The following DEF8 variants were observed in gnomAD, a reference collection of about 807,000 sequenced individuals.
DEF8 encodes DEF-8.
Under a neutral mutation model 59.1 loss-of-function variants are expected in DEF8, and 38 were observed. The observed-to-expected ratio is 0.64, with a 90% CI of 0.50 to 0.84. The LOEUF is 0.84. Ranked by LOEUF, DEF8 falls within the 40% of genes least tolerant of loss-of-function variation. DEF8 has a pLI of 0.00. For missense variants in DEF8, 557 were observed against 615.2 expected (o/e 0.91, Z 1.00); for synonymous variants, 265 against 250.1 (o/e 1.06, Z -0.56).
intron 12 of DEF8, among the ~76,000 whole-genome samples, chr16:89,965,230 G>T (rs1402450346): frequency 1.3e-5 from 2 of 152,054 alleles, no homozygotes; most frequent in African/African-American, 4.8e-5. Context: ...AATGATATGG[G>T]TACACCTTTT....
At chr16:89,964,355 A>AG (rs756106489) in intron 11 of DEF8, 45 bp downstream of exon 11, 2 of 1,551,684 alleles carry the variant, frequency 1.3e-6, no homozygotes, top group Non-Finnish European at 8.7e-7. Context: ...CCCAGCCCTG[A>AG]GGGGGGATTG....
At position 89,961,082 on chromosome 16, in the gene DEF8, G is replaced by A. The variant is rs776592246; in HGVS notation, c.666G>A (p.Ala222=). 12 of 1,611,948 alleles carry A rather than the reference G, an allele frequency of 7.4e-6. No individual in the cohort carries two copies. The highest frequency in any genetic ancestry group is 3.3e-5 in the Admixed American group (2 of 59,976). ...SQDYRCAECR[A]PISLRGVPSE... ...ATTACCGCTGTGCCGAGTGCCGGGCGCCCATCTCTCTGCGTGAGTGGTGGC... is the reference window on the plus strand; with the variant it reads ...ATTACCGCTGTGCCGAGTGCCGGGCACCCATCTCTCTGCGTGAGTGGTGGC... Residue 222 remains alanine, a synonymous_variant, in exon 7 of 13, where the codon GCG becomes GCA. Transcript: ENST00000563594.
chr16:89,950,359 C>A (rs1329091708), intron 2 of DEF8: 1 of 977,710 alleles, frequency 1.0e-6, no homozygotes, highest in Non-Finnish European at 1.2e-6. Context: ...ATAGGCAAGA[C>A]AATGGAGAAC....
intron 7 of DEF8, 146 bp downstream of exon 7, chr16:89,961,241 T>C: frequency 8.9e-7 from 1 of 1,122,230 alleles, no homozygotes; most frequent in Non-Finnish European, 1.2e-6. Context: ...GTGACAAGGG[T>C]CTGTTGCTGC....
rs2034555256 is a variant in DEF8, at chr16:89,965,743, CG to C, written c.1254-117del. ...GTCACTTGCATCTGGCTGCAGACTC[CG>C]ACTCTGCCCTTTGGTAACGGCTGTA... On this transcript the variant is annotated intron_variant, in intron 12 of 12. Coordinates refer to ENST00000563594, the MANE Select transcript of DEF8 (RefSeq NM_001242818.2). 3.6e-5 allele frequency: 23 copies of C among 643,804 alleles called. No individual in the cohort carries two copies. In the South Asian group the frequency reaches 4.3e-4, roughly 12 times the overall value. 39.9% of individuals were successfully genotyped at this position (643,804 alleles called of 1,614,324 possible). A position where few individuals can be genotyped will look rare whatever the true frequency, so the allele number is the denominator to read the frequency against.
chr16:89,959,920 A>G (rs1452186430), intron 6 of DEF8, among the ~76,000 whole-genome samples: 2 of 152,168 alleles, frequency 1.3e-5, no homozygotes, highest in African/African-American at 4.8e-5. Flanking sequence ...AAGGAGGAGC[A>G]GAGAGCCAGG....
chr16:89,949,313 G>C, intron 1 of DEF8, 104 bp from the exon 2 acceptor site: 3 of 925,320 alleles, frequency 3.2e-6, no homozygotes, highest in Non-Finnish European at 4.8e-6. Context: ...CGGTGGAACG[G>C]GTGGGTGGGA....
At chr16:89,949,929 ATCCCCAGG>A in intron 2 of DEF8, 1 of 809,824 alleles carries the variant, frequency 1.2e-6, no homozygotes, top group East Asian at 4.4e-5. Flanking sequence ...TGTGGCCGGC[ATCCCCAGG>A]TCTGTGTGAG....
At chr16:89,959,367 T>C in intron 6 of DEF8, 1 of 1,434,310 alleles carries the variant, frequency 7.0e-7, no homozygotes, top group Non-Finnish European at 9.1e-7. Flanking sequence ...GTGAATTACA[T>C]GGTGTGTCTA....
intron 12 of DEF8, among the ~76,000 whole-genome samples, chr16:89,964,925 G>A (rs2034478568): frequency 6.6e-6 from 1 of 152,136 alleles, no homozygotes; most frequent in African/African-American, 2.4e-5. Context: ...ACTCTTTCAG[G>A]GTTAGTATAG....
intron 2 of DEF8, among the ~76,000 whole-genome samples, chr16:89,953,428 C>T (rs970915982): frequency 3.9e-5 from 6 of 152,310 alleles, no homozygotes; most frequent in East Asian, 1.9e-4. Flanking sequence ...TCTGAGCCTC[C>T]GGGTGGGGAA....
At position 89,964,595 on chromosome 16, in the gene DEF8, CG is replaced by C; in HGVS notation, c.1253+21del. On this transcript the variant is annotated intron_variant, in intron 12 of 12. Coordinates refer to ENST00000563594, the MANE Select transcript of DEF8 (RefSeq NM_001242818.2). ...CCACAGGTGGGTGTGGCCTGGGCCC[CG>C]CACTCGGGGGCTGGGGCTCTGCGCT... 1 of 1,536,044 alleles carries C rather than the reference CG, an allele frequency of 6.5e-7. No individual in the cohort carries two copies. The highest frequency in any genetic ancestry group is 1.4e-5 in the African/African-American group (1 of 73,026).
At chr16:89,949,388 C>G in intron 1 of DEF8, 29 bp from the exon 2 acceptor site, 1 of 1,554,634 alleles carries the variant, frequency 6.4e-7, no homozygotes, top group Non-Finnish European at 8.7e-7. Flanking sequence ...GGTGGGGAGG[C>G]ACAGTGCTGG....
At chr16:89,951,364 C>T (rs2032036269) in intron 2 of DEF8, among the ~76,000 whole-genome samples, 1 of 152,090 alleles carries the variant, frequency 6.6e-6, no homozygotes, top group South Asian at 2.1e-4. Flanking sequence ...CCTGCCTCAG[C>T]CTCCCAAGTA....
At chr16:89,965,291 T>C (rs958981187) in intron 12 of DEF8, among the ~76,000 whole-genome samples, 10 of 152,112 alleles carry the variant, frequency 6.6e-5, no homozygotes, top group African/African-American at 1.9e-4. Flanking sequence ...TCCCCCCCAG[T>C]TTCTGTCCCC....
At position 89,967,261 on chromosome 16, in the gene DEF8, A is replaced by G. The variant is rs1243479126; in HGVS notation, c.*1298A>G. 2.5e-6 allele frequency: 1 copy of G among 398,668 alleles called. No homozygotes were observed. Among genetic ancestry groups the G allele is most frequent in the Non-Finnish European group, 4.4e-6 (1 of 226,114 alleles). The allele number at this position is 398,668 out of a possible 1,614,324, so 24.7% of individuals were successfully genotyped here. On this transcript the variant is annotated 3_prime_UTR_variant, in exon 13 of 13. Coordinates refer to ENST00000563594, the MANE Select transcript of DEF8 (RefSeq NM_001242818.2). ...GCACACGGTGGGCAGAGGGCAGAGA[A>G]TGCCACTGCTTGGTTATTGGTCCCC...
At chr16:89,950,329 G>A (rs1350149310) in intron 2 of DEF8, 4 of 985,156 alleles carry the variant, frequency 4.1e-6, no homozygotes, top group Admixed American at 6.2e-5. Context: ...ACCCCAGAAA[G>A]TAGGTGTTCC....
intron 6 of DEF8, 98 bp from the exon 7 acceptor site, chr16:89,960,833 G>C: frequency 7.6e-7 from 1 of 1,316,138 alleles, no homozygotes; most frequent in Admixed American, 1.8e-5. Context: ...CTGGGCCTCA[G>C]AGTGGAACCC....
In DEF8 at chr16:89,961,375, A is replaced by T. The variant is rs569729607; in HGVS notation, c.679+280A>T. Among the ~76,000 whole-genome samples the T allele has an allele frequency of 5.9e-5, 9 of 152,350 alleles. 1 individual carries two copies. The highest frequency in any genetic ancestry group is 5.9e-4 in the Admixed American group (9 of 15,308). On this transcript the variant is annotated intron_variant, in intron 7 of 12. Coordinates refer to ENST00000563594, the MANE Select transcript of DEF8 (RefSeq NM_001242818.2). ...GCCTCCCCGTGTGAAAGCCTCATAGATGAGGACTAGGGAGAAGTCACACAG... is the reference window on the plus strand; with the variant it reads ...GCCTCCCCGTGTGAAAGCCTCATAGTTGAGGACTAGGGAGAAGTCACACAG...
Sources: gnomAD v4.1 joint callset for allele counts (sites outside exome capture counted in the v4.1 genomes callset) on GRCh38, gnomAD v4.1.1 for gene constraint, MANE v1.5 for transcripts, NCBI Gene and HGNC (gene_info 2026-07-23, HGNC 2026-07-21) for gene names.